The following GLDN variants were observed in gnomAD, a reference collection of about 807,000 sequenced individuals.
GLDN encodes collomin.
A neutral mutation model predicts 56.5 loss-of-function variants in GLDN; 47 were observed. The ratio of observed to expected loss-of-function variants is 0.83; its 90% CI spans 0.66 to 1.06. The LOEUF (loss-of-function observed/expected upper bound fraction) is 1.06, where lower values mean the gene tolerates loss of function less well. Ranked by LOEUF, GLDN falls within the 50% of genes least tolerant of loss-of-function variation. The pLI is 0.00. For missense variants in GLDN, 782 were observed against 714.3 expected (o/e 1.09, Z -1.08); for synonymous variants, 332 against 278.8 (o/e 1.19, Z -1.90).
intron 1 of GLDN, among the ~76,000 whole-genome samples, chr15:51,362,282 C>T (rs542685318): frequency 5.3e-5 from 8 of 152,072 alleles, no homozygotes; most frequent in Non-Finnish European, 7.4e-5. Flanking sequence ...GTCAGGAGTT[C>T]GAGACCAGAC....
intron 1 of GLDN, 135 bp downstream of exon 1, chr15:51,342,182 T>C: frequency 1.8e-6 from 2 of 1,136,900 alleles, no homozygotes; most frequent in Admixed American, 2.3e-5. Context: ...CATGAGTAGC[T>C]GGGGATGTCA....
chr15:51,397,971 G>C (rs2038171087), intron 6 of GLDN, among the ~76,000 whole-genome samples: 1 of 152,224 alleles, frequency 6.6e-6, no homozygotes, highest in Admixed American at 6.5e-5. Context: ...GGAGATGAAG[G>C]GGAAGTTTGG....
At chr15:51,353,867 A>T (rs1274198180) in intron 1 of GLDN, among the ~76,000 whole-genome samples, 1 of 152,150 alleles carries the variant, frequency 6.6e-6, no homozygotes, top group Non-Finnish European at 1.5e-5. Flanking sequence ...AGATTAATTT[A>T]CATGCATTTT....
intron 1 of GLDN, among the ~76,000 whole-genome samples, chr15:51,364,043 A>G (rs75134835): frequency 0.015 from 2,209 of 152,156 alleles, 51 homozygotes; most frequent in African/African-American, 0.051. Context: ...CATATGTTTT[A>G]AACAGTTGTA....
intron 4 of GLDN, among the ~76,000 whole-genome samples, chr15:51,389,983 G>T (rs1044745638): frequency 2.6e-5 from 4 of 151,966 alleles, no homozygotes; most frequent in African/African-American, 9.7e-5. Flanking sequence ...CCAGGAGACT[G>T]AAACATCAAA....
In GLDN at chr15:51,400,421, CAG is replaced by C. The variant is rs763574477; in HGVS notation, c.954_955del (p.Glu318AspfsTer11). The C allele has an allele frequency of 1.1e-5, 17 of 1,613,978 alleles. No individual in the cohort carries two copies. In the South Asian group the frequency reaches 1.9e-4, roughly 18 times the overall value. On this transcript the variant is annotated frameshift_variant, in exon 8 of 10. Coordinates refer to ENST00000335449, the MANE Select transcript of GLDN (RefSeq NM_181789.4). LOFTEE classifies it high-confidence loss of function. ...AACCCAGTGCAAGTACTGAAAGTGA[CAG>C]AGACATTTGGGACTTGGATAAGAGA...
intron 2 of GLDN, among the ~76,000 whole-genome samples, chr15:51,382,658 G>A (rs11630337): frequency 0.16 from 24,415 of 150,632 alleles, 2,125 homozygotes; most frequent in Middle Eastern, 0.27. Flanking sequence ...CCCAGGAGGC[G>A]GAGCTTGCAG....
intron 1 of GLDN, among the ~76,000 whole-genome samples, chr15:51,355,946 G>T (rs748178082): frequency 6.7e-6 from 1 of 149,968 alleles, no homozygotes; most frequent in Non-Finnish European, 1.5e-5. Flanking sequence ...GGTGGCTCAC[G>T]CCTGTAATCC....
intron 4 of GLDN, among the ~76,000 whole-genome samples, chr15:51,385,764 C>T (rs939818441): frequency 6.6e-6 from 1 of 152,112 alleles, no homozygotes; most frequent in Admixed American, 6.6e-5. Flanking sequence ...GTGTGTAAGC[C>T]ACCAGGGTAC....
chr15:51,389,864 A>C (rs2037978587), intron 4 of GLDN, among the ~76,000 whole-genome samples: 1 of 152,188 alleles, frequency 6.6e-6, no homozygotes, highest in African/African-American at 2.4e-5. Context: ...AATGGCCTTC[A>C]AAGTAAGGTC....
intron 1 of GLDN, among the ~76,000 whole-genome samples, chr15:51,351,513 G>C (rs971899488): frequency 6.6e-6 from 1 of 152,202 alleles, no homozygotes; most frequent in African/African-American, 2.4e-5. Flanking sequence ...CAGGCTGAGA[G>C]ATCCTTTGGC....
chr15:51,401,509 C>T (rs1216684567), intron 8 of GLDN, 84 bp from the exon 9 acceptor site: 2 of 1,314,720 alleles, frequency 1.5e-6, no homozygotes, highest in East Asian at 2.3e-5. Flanking sequence ...AACTTCCCGC[C>T]TTTGAAATTC....
downstream of GLDN, among the ~76,000 whole-genome samples, chr15:51,411,537 T>C (rs1003109229): frequency 1.3e-5 from 2 of 152,236 alleles, no homozygotes; most frequent in African/African-American, 4.8e-5. Flanking sequence ...GAAGACCTGA[T>C]AACAAATATT....
Position 51,400,518 on chromosome 15 carries a change from G to T in GLDN, c.1027+20G>T, listed in dbSNP as rs375652066. On this transcript the variant is annotated intron_variant, in intron 8 of 9. Transcript: ENST00000335449. ...TTTCAGGTACTTGCACTCGGCCTATGACCCATATCTGTGTGGTAACTGTAT... is the reference window on the plus strand; with the variant it reads ...TTTCAGGTACTTGCACTCGGCCTATTACCCATATCTGTGTGGTAACTGTAT... 4 of 1,610,000 alleles carry T rather than the reference G, an allele frequency of 2.5e-6. No individual in the cohort carries two copies. The highest frequency in any genetic ancestry group is 2.2e-5 in the South Asian group (2 of 90,118).
chr15:51,362,603 G>A (rs2037323371), intron 1 of GLDN, among the ~76,000 whole-genome samples: 1 of 152,138 alleles, frequency 6.6e-6, no homozygotes, highest in Non-Finnish European at 1.5e-5. Flanking sequence ...TAAGGACATT[G>A]GCTTTTATGG....
intron 1 of GLDN, among the ~76,000 whole-genome samples, chr15:51,348,314 TTTTTATTTTTTTATTTTA>T (rs1278777955): frequency 2.1e-5 from 3 of 145,534 alleles, no homozygotes; most frequent in African/African-American, 5.4e-5. Flanking sequence ...GTTCTTTTCT[TTTTTATTTTTTTATTTTA>T]TTTTATTTTT....
At chr15:51,399,238 G>C (rs546522620) in intron 6 of GLDN, among the ~76,000 whole-genome samples, 33 of 152,344 alleles carry the variant, frequency 2.2e-4, no homozygotes, top group Non-Finnish European at 3.7e-4. Flanking sequence ...TATCCAGCTA[G>C]AAGGAAGCTT....
intron 4 of GLDN, among the ~76,000 whole-genome samples, chr15:51,393,496 C>G (rs2038063882): frequency 6.6e-6 from 1 of 152,214 alleles, no homozygotes; most frequent in Non-Finnish European, 1.5e-5. Context: ...AGTGAACAGT[C>G]TGTGAATTCC....
chr15:51,383,121 G>A (rs533379820), intron 2 of GLDN, among the ~76,000 whole-genome samples: 4 of 152,292 alleles, frequency 2.6e-5, no homozygotes, highest in East Asian at 1.9e-4. Context: ...TGCACTCATG[G>A]CCACCAGCAT....
Sources: allele counts gnomAD v4.1 joint callset (sites outside exome capture counted in the v4.1 genomes callset), GRCh38; gene constraint gnomAD v4.1.1; transcripts MANE v1.5; gene names NCBI Gene and HGNC (gene_info 2026-07-23, HGNC 2026-07-21).